FER1L6: variants seen among roughly 807,000 people sequenced by gnomAD.
The protein encoded by FER1L6 is fer-1 like family member 6, also known as fer-1-like protein 6.
A neutral mutation model predicts 219.2 loss-of-function variants in FER1L6; 177 were observed. That is an observed-to-expected ratio of 0.81 (90% CI 0.71 to 0.91). The LOEUF is 0.91. Ranked by LOEUF, FER1L6 falls within the 40% of genes least tolerant of loss-of-function variation. FER1L6 has a pLI of 0.00. For missense variants in FER1L6, 2,153 were observed against 2,259.9 expected (o/e 0.95, Z 0.96); for synonymous variants, 768 against 824.3 (o/e 0.93, Z 1.17).
intron 1 of FER1L6, among the ~76,000 whole-genome samples, chr8:123,876,743 G>A (rs1586434351): frequency 6.6e-6 from 1 of 152,136 alleles, no homozygotes; most frequent in East Asian, 1.9e-4. Flanking sequence ...GTGCTTATGG[G>A]GCTGACATGT....
At chr8:123,948,492 C>A (rs1208352170) in intron 1 of FER1L6, among the ~76,000 whole-genome samples, 1 of 152,176 alleles carries the variant, frequency 6.6e-6, no homozygotes, top group Non-Finnish European at 1.5e-5. Context: ...ATGGAATATT[C>A]ATTCATTCAT....
chr8:124,075,669 GGTTT>G (rs962123624), intron 31 of FER1L6, among the ~76,000 whole-genome samples: 4 of 152,122 alleles, frequency 2.6e-5, no homozygotes, highest in East Asian at 1.9e-4. Context: ...TAGCACAGTA[GGTTT>G]GTTTATAGCA....
At chr8:124,063,627 C>T (rs1696540012) in intron 25 of FER1L6, among the ~76,000 whole-genome samples, 1 of 152,170 alleles carries the variant, frequency 6.6e-6, no homozygotes, top group African/African-American at 2.4e-5. Flanking sequence ...TCTAGTCTGT[C>T]TCACTGGTTT....
intron 39 of FER1L6, among the ~76,000 whole-genome samples, chr8:124,118,164 C>T (rs1385173277): frequency 2.0e-5 from 3 of 152,108 alleles, no homozygotes; most frequent in Admixed American, 6.5e-5. Context: ...CGAATGAAGG[C>T]GTGAACAAGA....
intron 24 of FER1L6, 32 bp downstream of exon 24, chr8:124,060,741 A>T: frequency 1.9e-6 from 3 of 1,602,082 alleles, no homozygotes; most frequent in Non-Finnish European, 2.6e-6. Context: ...GACCTGGCTC[A>T]TTCCTCTTTT....
In FER1L6 at chr8:123,891,323, C is replaced by G. The variant is rs552219711; in HGVS notation, c.-8+39138C>G. Among the ~76,000 whole-genome samples the G allele has an allele frequency of 1.2e-3, 189 of 152,126 alleles. 8 individuals carry two copies. In the South Asian group the frequency reaches 0.038, roughly 31 times the overall value. On this transcript the variant is annotated intron_variant, in intron 1 of 40. Coordinates refer to ENST00000522917, the MANE Select transcript of FER1L6 (RefSeq NM_001039112.2). ...ATAGCTGAAAAGAAATTACTGTGTGCTTGTTCTTACTTTGTCCTGTTTTGT... is the reference window on the plus strand; with the variant it reads ...ATAGCTGAAAAGAAATTACTGTGTGGTTGTTCTTACTTTGTCCTGTTTTGT...
chr8:124,088,507 G>C (rs1030168795), intron 33 of FER1L6, among the ~76,000 whole-genome samples: 2 of 152,002 alleles, frequency 1.3e-5, no homozygotes, highest in Admixed American at 6.5e-5. Flanking sequence ...GGCTGGGCTG[G>C]TGCCCAAGCT....
chr8:123,944,982 G>A (rs1021637943), intron 1 of FER1L6, among the ~76,000 whole-genome samples: 1 of 152,192 alleles, frequency 6.6e-6, no homozygotes, highest in African/African-American at 2.4e-5. Flanking sequence ...TTATGTATAA[G>A]TTCAATATAT....
chr8:124,071,636 G>A lies in FER1L6; in HGVS notation c.4092+5G>A. On this transcript the variant is annotated splice_donor_5th_base_variant and intron_variant, in intron 31 of 40. Coordinates refer to ENST00000522917, the MANE Select transcript of FER1L6 (RefSeq NM_001039112.2). Reference sequence around the variant, plus strand: ...ATCAGAGTATACATTGTCGCGGTGAGCCATTCTTGTTTGCTCTGAGGGGGT... The same window carrying A: ...ATCAGAGTATACATTGTCGCGGTGAACCATTCTTGTTTGCTCTGAGGGGGT... 6.2e-7 allele frequency: 1 copy of A among 1,611,212 alleles called. No individual in the cohort carries two copies. The highest frequency in any genetic ancestry group is 8.5e-7 in the Non-Finnish European group (1 of 1,177,678).
intron 15 of FER1L6, among the ~76,000 whole-genome samples, chr8:124,016,358 A>T (rs545703261): frequency 1.3e-5 from 2 of 152,190 alleles, no homozygotes; most frequent in African/African-American, 4.8e-5. Context: ...AGAGCCTGGT[A>T]TGGGACCTTG....
intron 1 of FER1L6, among the ~76,000 whole-genome samples, chr8:123,925,112 T>C (rs1182718442): frequency 6.6e-6 from 1 of 152,254 alleles, no homozygotes; most frequent in Admixed American, 6.5e-5. Context: ...ACTGACAGAA[T>C]GTTGATTTAT....
intron 1 of FER1L6, among the ~76,000 whole-genome samples, chr8:123,930,944 C>A (rs946479627): frequency 6.6e-6 from 1 of 152,274 alleles, no homozygotes; most frequent in South Asian, 2.1e-4. Context: ...ACTCCCACCT[C>A]CACCCCACTG....
At position 124,021,185 on chromosome 8, in the gene FER1L6, T is replaced by C. The variant is rs1246115704; in HGVS notation, c.2014-365T>C. On this transcript the variant is annotated intron_variant, in intron 16 of 40. Coordinates refer to ENST00000522917, the MANE Select transcript of FER1L6 (RefSeq NM_001039112.2). ...CATGATTAAATTACCTCCCACTGGG[T>C]CCCTCCTATGATATGTGGGGATCAT... Among the ~76,000 whole-genome samples, 6 of 152,162 alleles carry C rather than the reference T, an allele frequency of 3.9e-5. No homozygotes were observed. In the South Asian group the frequency reaches 1.2e-3, roughly 32 times the overall value.
chr8:124,081,169 A>G (rs1246700883), intron 32 of FER1L6, among the ~76,000 whole-genome samples: 2 of 152,040 alleles, frequency 1.3e-5, no homozygotes, highest in Non-Finnish European at 2.9e-5. Context: ...CTCTTTGTCT[A>G]TCGCTCCCAG....
Position 123,951,002 on chromosome 8 carries a change from C to T in FER1L6, c.-7-4990C>T, listed in dbSNP as rs116633529. ...TGAGGTTGAGTGGAAAGGAAGTAGA[C>T]GTGGATTATAAAGTGCAGCCTATGC... On this transcript the variant is annotated intron_variant, in intron 1 of 40. Transcript: ENST00000522917. 4.6e-3 allele frequency among the ~76,000 whole-genome samples: 706 copies of T among 152,284 alleles called. 6 individuals are homozygous for T. Among genetic ancestry groups the T allele is most frequent in the African/African-American group, 0.015 (620 of 41,570 alleles).
chr8:123,908,804 T>G (rs964165686), intron 1 of FER1L6, among the ~76,000 whole-genome samples: 1 of 152,174 alleles, frequency 6.6e-6, no homozygotes, highest in Non-Finnish European at 1.5e-5. Context: ...GGAATCAATA[T>G]AGACTCTATG....
intron 1 of FER1L6, among the ~76,000 whole-genome samples, chr8:123,922,395 G>T (rs1223196397): frequency 6.6e-6 from 1 of 152,236 alleles, no homozygotes; most frequent in African/African-American, 2.4e-5. Flanking sequence ...TCCGACTGAG[G>T]AAAGAATCCT....
At chr8:124,115,833 C>T (rs1437346715) in intron 39 of FER1L6, among the ~76,000 whole-genome samples, 1 of 152,180 alleles carries the variant, frequency 6.6e-6, no homozygotes, top group African/African-American at 2.4e-5. Context: ...ATTGTAGAGC[C>T]TGGCTTCAAA....
In FER1L6 at chr8:123,986,064, G is replaced by C. The variant is rs376672795; in HGVS notation, c.1411-4G>C. The stretch of plus-strand genomic sequence containing the variant: ...TGCCTAATAATTTTGTTTTCTTTCT[G>C]TAGATTGTACCAGAAAAAAATGAGG... On this transcript the variant is annotated splice_polypyrimidine_tract_variant and splice_region_variant and intron_variant, in intron 11 of 40. Coordinates refer to ENST00000522917, the MANE Select transcript of FER1L6 (RefSeq NM_001039112.2). 15 of 1,582,448 alleles carry C rather than the reference G, an allele frequency of 9.5e-6. No individual in the cohort carries two copies. Among genetic ancestry groups the C allele is most frequent in the Non-Finnish European group, 1.3e-5 (15 of 1,151,632 alleles).
Sources: gnomAD v4.1 joint callset for allele counts (sites outside exome capture counted in the v4.1 genomes callset) on GRCh38, gnomAD v4.1.1 for gene constraint, MANE v1.5 for transcripts, NCBI Gene and HGNC (gene_info 2026-07-23, HGNC 2026-07-21) for gene names.